The following SNTG1 variants were observed in gnomAD, a reference collection of about 807,000 sequenced individuals.
The protein encoded by SNTG1 is syntrophin gamma 1, also known as gamma-1-syntrophin.
SNTG1 carries 39 observed loss-of-function variants against 74.7 expected under a neutral mutation model. The observed-to-expected ratio is 0.52, with a 90% CI of 0.40 to 0.68. The LOEUF (loss-of-function observed/expected upper bound fraction) is 0.68, where lower values mean the gene tolerates loss of function less well. SNTG1 is among the 30% of genes least tolerant of loss of function. SNTG1 has a pLI of 0.00. For synonymous variants in SNTG1, 254 were observed against 217.1 expected (o/e 1.17, Z -1.49); for missense variants, 685 against 609.5 (o/e 1.12, Z -1.30).
chr8:50,653,098 T>C (rs1419778935), intron 13 of SNTG1, among the ~76,000 whole-genome samples: 3 of 151,958 alleles, frequency 2.0e-5, no homozygotes, highest in Non-Finnish European at 4.4e-5. Context: ...GTTTTTCTTT[T>C]GCTTTTGTTT....
chr8:50,532,377 A>C (rs562700073), intron 10 of SNTG1, among the ~76,000 whole-genome samples: 51 of 152,346 alleles, frequency 3.3e-4, no homozygotes, highest in Non-Finnish European at 7.2e-4. Flanking sequence ...TTATGATTTT[A>C]ACACAAAAAA....
intron 1 of SNTG1, among the ~76,000 whole-genome samples, chr8:49,938,713 G>A (rs191600870): frequency 7.9e-6 from 1 of 125,832 alleles, no homozygotes; most frequent in Non-Finnish European, 1.7e-5. Context: ...TTCTCCCATT[G>A]TTTCTTGGAC....
chr8:49,926,906 C>T (rs1807078380), intron 1 of SNTG1, among the ~76,000 whole-genome samples: 1 of 152,016 alleles, frequency 6.6e-6, no homozygotes. Context: ...GGAAAATAAA[C>T]CAACCAATTA....
intron 2 of SNTG1, among the ~76,000 whole-genome samples, chr8:50,233,795 T>C (rs2085754556): frequency 6.6e-6 from 1 of 151,776 alleles, no homozygotes; most frequent in Non-Finnish European, 1.5e-5. Context: ...AAGCACCTGA[T>C]AGAATGTTAA....
chr8:50,665,227 A>G (rs1003398778), intron 15 of SNTG1, among the ~76,000 whole-genome samples: 11 of 152,086 alleles, frequency 7.2e-5, no homozygotes, highest in African/African-American at 2.7e-4. Context: ...GAGATGGGGA[A>G]GGAGAAAGAG....
At chr8:50,303,878 C>T (rs1587030987) in intron 2 of SNTG1, among the ~76,000 whole-genome samples, 1 of 152,054 alleles carries the variant, frequency 6.6e-6, no homozygotes, top group East Asian at 1.9e-4. Flanking sequence ...TATTTTTTAA[C>T]TTTAAAAAAG....
chr8:50,769,385 A>C (rs1253713091), intron 18 of SNTG1, among the ~76,000 whole-genome samples: 2 of 152,004 alleles, frequency 1.3e-5, no homozygotes, highest in Non-Finnish European at 2.9e-5. Context: ...CATTTTGAAA[A>C]TCAGAATTTT....
In SNTG1 at chr8:50,669,551, A is replaced by G. The variant is rs576845701; in HGVS notation, c.1038+10888A>G. 3.9e-3 allele frequency among the ~76,000 whole-genome samples: 588 copies of G among 152,338 alleles called. 5 individuals are homozygous for G. Among genetic ancestry groups the G allele is most frequent in the African/African-American group, 0.011 (475 of 41,592 alleles). On this transcript the variant is annotated intron_variant, in intron 15 of 18. Coordinates refer to ENST00000642720, the MANE Select transcript of SNTG1 (RefSeq NM_018967.5). The stretch of plus-strand genomic sequence containing the variant: ...ATCTGAAATTGTGGCAATAATCAAT[A>G]GCTTACCAACGAAAAAGAGTCCAGG...
chr8:50,615,012 G>A (rs971602677), intron 13 of SNTG1, among the ~76,000 whole-genome samples: 9 of 149,712 alleles, frequency 6.0e-5, no homozygotes, highest in African/African-American at 9.9e-5. Flanking sequence ...GTGCGACCTC[G>A]GCTCACTCCA....
intron 17 of SNTG1, among the ~76,000 whole-genome samples, chr8:50,746,909 C>T (rs2095556374): frequency 6.7e-6 from 1 of 148,288 alleles, no homozygotes; most frequent in Non-Finnish European, 1.5e-5. Flanking sequence ...TTTATTTTCC[C>T]TGCAAAACAT....
chr8:50,736,623 A>G (rs1468961903), intron 17 of SNTG1, among the ~76,000 whole-genome samples: 1 of 152,136 alleles, frequency 6.6e-6, no homozygotes, highest in Non-Finnish European at 1.5e-5. Context: ...CAGAAGATAC[A>G]TTCTTTTCAG....
intron 2 of SNTG1, among the ~76,000 whole-genome samples, 156 bp downstream of exon 2, chr8:50,172,791 A>C (rs1014711667): frequency 1.3e-4 from 19 of 151,504 alleles, no homozygotes; most frequent in African/African-American, 4.6e-4. Context: ...AAAAAAAACA[A>C]AACCTCTTGT....
intron 18 of SNTG1, among the ~76,000 whole-genome samples, chr8:50,783,269 CTT>C (rs1185077397): frequency 5.9e-5 from 9 of 152,202 alleles, no homozygotes; most frequent in Non-Finnish European, 1.3e-4. Context: ...TTACTGCTGT[CTT>C]TTTGTTTGTC....
At chr8:50,571,442 G>A (rs2094548696) in intron 12 of SNTG1, among the ~76,000 whole-genome samples, 1 of 152,216 alleles carries the variant, frequency 6.6e-6, no homozygotes, top group African/African-American at 2.4e-5. Context: ...TTGCTCAATA[G>A]ACGAGCTGTT....
At chr8:50,215,845 T>C (rs1001249330) in intron 2 of SNTG1, among the ~76,000 whole-genome samples, 2 of 152,154 alleles carry the variant, frequency 1.3e-5, no homozygotes, top group Non-Finnish European at 2.9e-5. Context: ...GCCACATGGA[T>C]AACAAGGATC....
chr8:50,378,860 G>A (rs1373198669), intron 2 of SNTG1, among the ~76,000 whole-genome samples: 1 of 152,044 alleles, frequency 6.6e-6, no homozygotes, highest in East Asian at 1.9e-4. Context: ...GGGGAGAAAG[G>A]GCATGTGATT....
chr8:50,218,345 T>C (rs1288907945), intron 2 of SNTG1, among the ~76,000 whole-genome samples: 1 of 152,082 alleles, frequency 6.6e-6, no homozygotes, highest in East Asian at 1.9e-4. Context: ...GAAAAAAAAT[T>C]TAAATGCTCA....
At chr8:50,532,995 G>A (rs186799446) in intron 10 of SNTG1, among the ~76,000 whole-genome samples, 261 of 152,068 alleles carry the variant, frequency 1.7e-3, no homozygotes, top group African/African-American at 6.0e-3. Flanking sequence ...TAATTCTAAG[G>A]GGAAATAAAG....
At chr8:50,149,542 T>A (rs528632736) in intron 1 of SNTG1, among the ~76,000 whole-genome samples, 6 of 152,344 alleles carry the variant, frequency 3.9e-5, no homozygotes, top group African/African-American at 1.4e-4. Flanking sequence ...ATTTAAGTCT[T>A]CAATCCATCT....
Sources: allele counts gnomAD v4.1 joint callset (sites outside exome capture counted in the v4.1 genomes callset), GRCh38; gene constraint gnomAD v4.1.1; transcripts MANE v1.5; gene names NCBI Gene and HGNC (gene_info 2026-07-23, HGNC 2026-07-21).